Variants in MLLT3 observed in about 807,000 individuals in gnomAD.
The protein encoded by MLLT3 is protein AF-9.
MLLT3 carries 4 observed loss-of-function variants against 53.2 expected under a neutral mutation model. The observed-to-expected ratio is 0.08, with a 90% CI of 0.04 to 0.17. The LOEUF is 0.17. Among genes scored for constraint, MLLT3 ranks in the 10% least tolerant of loss-of-function variants. MLLT3 has a pLI of 1.00. For missense variants in MLLT3, 569 were observed against 684.0 expected (o/e 0.83, Z 1.87); for synonymous variants, 283 against 230.6 (o/e 1.23, Z -2.06).
chr9:20,471,097 G>C (rs531844768), intron 2 of MLLT3, among the ~76,000 whole-genome samples: 6 of 152,082 alleles, frequency 3.9e-5, no homozygotes, highest in African/African-American at 1.2e-4. Context: ...TTTAAAGATG[G>C]AATATGACAA....
chr9:20,492,472 A>C (rs1824972367), intron 2 of MLLT3, among the ~76,000 whole-genome samples: 1 of 151,996 alleles, frequency 6.6e-6, no homozygotes, highest in Non-Finnish European at 1.5e-5. Flanking sequence ...TTACAGTTTA[A>C]AATGAACTCA....
chr9:20,576,022 AC>A (rs1819644037), intron 2 of MLLT3, among the ~76,000 whole-genome samples: 1 of 152,170 alleles, frequency 6.6e-6, no homozygotes, highest in African/African-American at 2.4e-5. Context: ...TAGTGTAGCC[AC>A]CTTCCTCAAT....
At chr9:20,515,553 G>C (rs1400202912) in intron 2 of MLLT3, among the ~76,000 whole-genome samples, 4 of 152,124 alleles carry the variant, frequency 2.6e-5, no homozygotes, top group Non-Finnish European at 5.9e-5. Flanking sequence ...TCTTGGGATG[G>C]CCAGAGACTG....
At chr9:20,587,181 T>C (rs1202216771) in intron 2 of MLLT3, among the ~76,000 whole-genome samples, 1 of 123,484 alleles carries the variant, frequency 8.1e-6, no homozygotes, top group Non-Finnish European at 1.7e-5. Context: ...AGCAGATAGC[T>C]AGGCCAAAAA....
intron 2 of MLLT3, among the ~76,000 whole-genome samples, chr9:20,597,918 C>G (rs2131193588): frequency 6.6e-6 from 1 of 152,202 alleles, no homozygotes; most frequent in Admixed American, 6.5e-5. Flanking sequence ...CTTAGTGTTC[C>G]AAAGCACCAT....
intron 2 of MLLT3, among the ~76,000 whole-genome samples, chr9:20,549,648 T>C (rs150202808): frequency 9.2e-4 from 140 of 152,358 alleles, no homozygotes; most frequent in African/African-American, 3.3e-3. Flanking sequence ...CTAAACAGTC[T>C]GGCTCCAAAT....
At chr9:20,418,072 T>C (rs533700283) in intron 4 of MLLT3, among the ~76,000 whole-genome samples, 1 of 152,318 alleles carries the variant, frequency 6.6e-6, no homozygotes, top group South Asian at 2.1e-4. Flanking sequence ...TATAGACAAA[T>C]AAACTCTCCC....
chr9:20,452,382 T>A (rs1823861540), intron 3 of MLLT3, among the ~76,000 whole-genome samples: 1 of 152,184 alleles, frequency 6.6e-6, no homozygotes, highest in African/African-American at 2.4e-5. Context: ...CATTTTTCTC[T>A]CCTGCCACCT....
chr9:20,389,624 A>T (rs542113934), intron 5 of MLLT3, among the ~76,000 whole-genome samples: 1 of 147,938 alleles, frequency 6.8e-6, no homozygotes, highest in Non-Finnish European at 1.5e-5. Context: ...AAATTAAAAC[A>T]AAAAAAAAAG....
Position 20,344,279 on chromosome 9 carries a change from A to T in MLLT3, c.*2164T>A. 1 of 200,150 alleles carries T rather than the reference A, an allele frequency of 5.0e-6. No individual in the cohort carries two copies. Among genetic ancestry groups the T allele is most frequent in the East Asian group, 7.8e-5 (1 of 12,828 alleles). The allele number at this position is 200,150 out of a possible 1,614,324, so 12.4% of individuals were successfully genotyped here. ...CCCACAATTTAGTTACAGAAATAAA[A>T]ATGGCCCAAACTACATATATACGTT... is the stretch of plus-strand genomic sequence containing the variant. On this transcript the variant is annotated 3_prime_UTR_variant, in exon 11 of 11. Coordinates refer to ENST00000380338, the MANE Select transcript of MLLT3 (RefSeq NM_004529.4).
chr9:20,536,378 T>A (rs763739651), intron 2 of MLLT3, among the ~76,000 whole-genome samples: 6 of 152,134 alleles, frequency 3.9e-5, no homozygotes, highest in Non-Finnish European at 7.4e-5. Context: ...GAAGACACCA[T>A]GAGAAAGCCT....
chr9:20,598,288 G>T (rs1273840095), intron 2 of MLLT3, among the ~76,000 whole-genome samples: 1 of 152,172 alleles, frequency 6.6e-6, no homozygotes, highest in Non-Finnish European at 1.5e-5. Context: ...ACCACTTTAT[G>T]TTCCCAAAAA....
At chr9:20,574,180 G>A (rs531857090) in intron 2 of MLLT3, among the ~76,000 whole-genome samples, 142 of 152,256 alleles carry the variant, frequency 9.3e-4, no homozygotes, top group African/African-American at 3.4e-3. Context: ...AGGTGATAAT[G>A]CCCGGACTAA....
intron 2 of MLLT3, among the ~76,000 whole-genome samples, chr9:20,566,834 G>A (rs1272718962): frequency 6.6e-6 from 1 of 152,100 alleles, no homozygotes; most frequent in African/African-American, 2.4e-5. Context: ...TAGGGCTCCA[G>A]GTGGTACACC....
At chr9:20,577,190 A>C (rs1224771617) in intron 2 of MLLT3, among the ~76,000 whole-genome samples, 1 of 152,064 alleles carries the variant, frequency 6.6e-6, no homozygotes, top group Non-Finnish European at 1.5e-5. Flanking sequence ...ATATTTAATA[A>C]CTCCAGTTAA....
chr9:20,505,808 A>C (rs757577922), intron 2 of MLLT3, among the ~76,000 whole-genome samples: 1 of 152,206 alleles, frequency 6.6e-6, no homozygotes, highest in African/African-American at 2.4e-5. Context: ...GGTAAGCAGT[A>C]GGCCAGGCAT....
At chr9:20,354,287 C>T (rs1043560812) in intron 9 of MLLT3, among the ~76,000 whole-genome samples, 2 of 152,234 alleles carry the variant, frequency 1.3e-5, no homozygotes, top group African/African-American at 4.8e-5. Flanking sequence ...GTTAGTGTAA[C>T]TGCATGGGTG....
At chr9:20,593,234 A>C (rs1820172216) in intron 2 of MLLT3, among the ~76,000 whole-genome samples, 1 of 152,030 alleles carries the variant, frequency 6.6e-6, no homozygotes, top group African/African-American at 2.4e-5. Context: ...CCTTGGAACC[A>C]CCTCCTCTCT....
intron 2 of MLLT3, among the ~76,000 whole-genome samples, chr9:20,508,888 A>G (rs1035398031): frequency 6.6e-6 from 1 of 152,214 alleles, no homozygotes; most frequent in African/African-American, 2.4e-5. Context: ...TACATCCTCA[A>G]GGAACTCATA....
Sources: allele counts gnomAD v4.1 joint callset (sites outside exome capture counted in the v4.1 genomes callset), GRCh38; gene constraint gnomAD v4.1.1; transcripts MANE v1.5; gene names NCBI Gene and HGNC (gene_info 2026-07-23, HGNC 2026-07-21).